SEC31A: variants seen among roughly 807,000 people sequenced by gnomAD.
The protein encoded by SEC31A is SEC31 homolog A, COPII component, also known as protein transport protein Sec31A.
A neutral mutation model predicts 151.0 loss-of-function variants in SEC31A; 70 were observed. The observed-to-expected ratio is 0.46, with a 90% CI of 0.38 to 0.57. The LOEUF (loss-of-function observed/expected upper bound fraction) is 0.57. Among genes scored for constraint, SEC31A ranks in the 20% least tolerant of loss-of-function variants. The pLI is 0.00. For missense variants in SEC31A, 1,330 were observed against 1,471.2 expected, an observed-to-expected ratio of 0.90 and a Z score of 1.57; for synonymous variants, 475 against 505.9, an observed-to-expected ratio of 0.94 and a Z score of 0.82.
At chr4:82,860,081 T>C (rs6535404) in intron 14 of SEC31A, among the ~76,000 whole-genome samples, 151,847 of 152,276 alleles carry the variant, frequency 1, 75,709 homozygotes, top group Non-Finnish European at 1. Flanking sequence ...CATGAGCCAC[T>C]GCGCCTGGCC....
upstream of SEC31A, among the ~76,000 whole-genome samples, chr4:82,896,089 G>A (rs1213837208): frequency 6.6e-6 from 1 of 152,200 alleles, no homozygotes; most frequent in Non-Finnish European, 1.5e-5. Context: ...TCACTGTATT[G>A]ACTTTGTTAA....
chr4:82,855,108 C>T, intron 16 of SEC31A, 79 bp from the exon 17 acceptor site: 1 of 1,216,234 alleles, frequency 8.2e-7, no homozygotes, highest in Non-Finnish European at 1.1e-6. Flanking sequence ...TTAATTGTGT[C>T]AAGTATTTCA....
chr4:82,830,268 C>T (rs1725621514), intron 22 of SEC31A, among the ~76,000 whole-genome samples: 1 of 152,142 alleles, frequency 6.6e-6, no homozygotes, highest in Non-Finnish European at 1.5e-5. Flanking sequence ...CGAGACCAGC[C>T]TGGCCAACAT....
intron 20 of SEC31A, among the ~76,000 whole-genome samples, chr4:82,847,171 C>T (rs1024463434): frequency 3.3e-5 from 5 of 152,256 alleles, no homozygotes; most frequent in Admixed American, 6.5e-5. Flanking sequence ...TTCAACTGTA[C>T]GCAGGGTCGG....
chr4:82,869,733 T>C (rs1238461121), intron 8 of SEC31A, among the ~76,000 whole-genome samples: 1 of 152,134 alleles, frequency 6.6e-6, no homozygotes, highest in Admixed American at 6.6e-5. Context: ...AGAAACCAAA[T>C]AACTAAAGGG....
chr4:82,883,741 A>G (rs1235748245), intron 1 of SEC31A, among the ~76,000 whole-genome samples: 2 of 151,504 alleles, frequency 1.3e-5, no homozygotes, highest in Non-Finnish European at 2.9e-5. Context: ...AGGAGGAAGG[A>G]TTGTTTGAGC....
At chr4:82,863,522 T>C (rs992697982) in intron 11 of SEC31A, 130 bp from the exon 12 acceptor site, 1 of 551,328 alleles carries the variant, frequency 1.8e-6, no homozygotes, top group Non-Finnish European at 3.0e-6. Context: ...ATTCACTGTT[T>C]GAAGGAATCC....
upstream of SEC31A, chr4:82,893,936 T>G (rs1719949466): frequency 6.6e-6 from 1 of 152,120 alleles, no homozygotes; most frequent in African/African-American, 2.4e-5. Context: ...TTTTTTAAGA[T>G]TAGGAAACAA....
intron 2 of SEC31A, 87 bp from the exon 3 acceptor site, chr4:82,881,009 C>T: frequency 8.6e-7 from 1 of 1,158,720 alleles, no homozygotes; most frequent in Non-Finnish European, 1.2e-6. Flanking sequence ...AGCATGTTTT[C>T]CATTCTCTTG....
At position 82,871,934 on chromosome 4, in the gene SEC31A, A is replaced by G. The variant is rs762667796; in HGVS notation, c.782+10T>C. 1 of 1,614,136 alleles carries G rather than the reference A, an allele frequency of 6.2e-7. No individual in the cohort carries two copies. Among genetic ancestry groups the G allele is most frequent in the Non-Finnish European group, 8.5e-7 (1 of 1,179,980 alleles). Reference sequence around the variant, plus strand: ...AACAAATCAAGTTCTTTGTAACAGCAGCACGATACCTGGCATGGTTTTCCA... The same window carrying G: ...AACAAATCAAGTTCTTTGTAACAGCGGCACGATACCTGGCATGGTTTTCCA... On this transcript the variant is annotated intron_variant, in intron 7 of 26. Transcript: ENST00000395310.
In SEC31A at chr4:82,864,577, A is replaced by G; in HGVS notation, c.1219T>C (p.Phe407Leu). The G allele has an allele frequency of 6.2e-7, 1 of 1,614,016 alleles. No homozygotes were observed. The highest frequency in any genetic ancestry group is 8.5e-7 in the Non-Finnish European group (1 of 1,179,976). Reference sequence around the variant, plus strand: ...TGAGAAGGCATTCTGACATTCTCAAACGTAACCAGTTTGCCTCCAAACTAT... The same window carrying G: ...TGAGAAGGCATTCTGACATTCTCAAGCGTAACCAGTTTGCCTCCAAACTAT... ...SFSFGGKLVT[F>L]ENVRMPSHQG... The change falls in exon 11 of 27, where the codon TTT (phenylalanine) becomes CTT (leucine). Residue 407 changes from phenylalanine to leucine, a missense_variant. Physicochemically the swap from Phe to Leu is conservative, Grantham distance 22 (BLOSUM62 0). Transcript: ENST00000395310.
chr4:82,871,513 T>C (rs972276040), intron 7 of SEC31A: 14 of 962,874 alleles, frequency 1.5e-5, no homozygotes, highest in Non-Finnish European at 1.9e-5. Context: ...CGGTGGCCCA[T>C]GCCTGTATTC....
chr4:82,900,233 A>T (rs1037107309), intron 1 of SEC31A: 3 of 152,992 alleles, frequency 2.0e-5, no homozygotes, highest in African/African-American at 7.2e-5. Context: ...GCTACAAGAT[A>T]AAGCGCAAGA....
chr4:82,859,230 T>G (rs994394826), intron 14 of SEC31A, among the ~76,000 whole-genome samples: 1 of 152,210 alleles, frequency 6.6e-6, no homozygotes, highest in African/African-American at 2.4e-5. Flanking sequence ...TTACTCAAAT[T>G]AGTCATACCT....
At chr4:82,881,985 T>C (rs1268802738) in intron 1 of SEC31A, 45 bp from the exon 2 acceptor site, 3 of 1,403,302 alleles carry the variant, frequency 2.1e-6, no homozygotes, top group African/African-American at 1.4e-5. Flanking sequence ...ATGACTTGAA[T>C]GTCTAACACA....
At position 82,851,449 on chromosome 4, in the gene SEC31A, A is replaced by C. The variant is rs766991791; in HGVS notation, c.2310T>G (p.Leu770=). 4 of 1,611,320 alleles carry C rather than the reference A, an allele frequency of 2.5e-6. No homozygotes were observed. In the Admixed American group the frequency reaches 5.1e-5, roughly 20 times the overall value. ...TAATTACCTGGTTGGTGTTGTCAGG[A>C]AGAAAAGCCAAGGCTGCAGCAATAC... The part of the protein sequence containing the change: ...QGSIAAALAF[L]PDNTNQPNIM... Residue 770 remains leucine (L), a synonymous_variant, in exon 19 of 27, where the codon CTT becomes CTG. Transcript: ENST00000395310.
chr4:82,835,346 T>A (rs758502951), intron 22 of SEC31A, among the ~76,000 whole-genome samples: 55 of 152,358 alleles, frequency 3.6e-4, no homozygotes, highest in Non-Finnish European at 6.3e-4. Context: ...ATTTTAACCT[T>A]GAACAGAAAT....
intron 6 of SEC31A, among the ~76,000 whole-genome samples, chr4:82,873,379 A>C (rs1737190784): frequency 6.9e-6 from 1 of 144,296 alleles, no homozygotes; most frequent in Admixed American, 7.4e-5. Context: ...CCCTTAAAAA[A>C]ATTAACACAC....
intron 10 of SEC31A, among the ~76,000 whole-genome samples, chr4:82,865,325 T>C (rs571957152): frequency 6.6e-6 from 1 of 152,176 alleles, no homozygotes; most frequent in East Asian, 1.9e-4. Context: ...GTAAAACGGC[T>C]ATAAAATGGT....
Sources: allele counts gnomAD v4.1 joint callset (sites outside exome capture counted in the v4.1 genomes callset), GRCh38; gene constraint gnomAD v4.1.1; transcripts MANE v1.5; gene names NCBI Gene and HGNC (gene_info 2026-07-23, HGNC 2026-07-21).